Variants in TBC1D32 observed in about 807,000 individuals in gnomAD.
The protein encoded by TBC1D32 is protein broad-minded.
A neutral mutation model predicts 170.3 loss-of-function variants in TBC1D32; 151 were observed. The ratio of observed to expected loss-of-function variants is 0.89; its 90% CI spans 0.78 to 1.01. The LOEUF (loss-of-function observed/expected upper bound fraction) is 1.01. Ranked by LOEUF, TBC1D32 falls within the 50% of genes least tolerant of loss-of-function variation. The pLI, the probability that TBC1D32 is intolerant of heterozygous loss-of-function variation, is 0.00. For missense variants in TBC1D32, 1,464 were observed against 1,457.1 expected (o/e 1.00, Z -0.08); for synonymous variants, 498 against 488.0 (o/e 1.02, Z -0.27).
chr6:121,322,630 C>A (rs1477150891), intron 1 of TBC1D32, among the ~76,000 whole-genome samples: 2 of 152,150 alleles, frequency 1.3e-5, no homozygotes, highest in East Asian at 3.9e-4. Flanking sequence ...AGTTATATGA[C>A]CTGCTTTATC....
chr6:121,281,702 T>C lies in TBC1D32; in HGVS notation c.1466-16A>G. 6.4e-7 allele frequency: 1 copy of C among 1,550,410 alleles called. No homozygotes were observed. The highest frequency in any genetic ancestry group is 8.7e-7 in the Non-Finnish European group (1 of 1,145,832). On this transcript the variant is annotated splice_polypyrimidine_tract_variant and intron_variant, in intron 13 of 31. Coordinates refer to ENST00000398212, the MANE Select transcript of TBC1D32 (RefSeq NM_152730.6). ...GAGTAATTCTCTAATAAACAATAAATATTTTTTAATACCAAAACATTAAAT... is the reference window on the plus strand; with the variant it reads ...GAGTAATTCTCTAATAAACAATAAACATTTTTTAATACCAAAACATTAAAT...
chr6:121,323,793 A>T (rs1810087193), intron 1 of TBC1D32, among the ~76,000 whole-genome samples: 1 of 152,138 alleles, frequency 6.6e-6, no homozygotes, highest in Non-Finnish European at 1.5e-5. Flanking sequence ...TACAAAAATT[A>T]GCTGGGCGTG....
intron 14 of TBC1D32, 31 bp downstream of exon 14, chr6:121,281,513 A>G (rs746981187): frequency 6.3e-7 from 1 of 1,577,218 alleles, no homozygotes; most frequent in Admixed American, 1.8e-5. Flanking sequence ...CAGGTAAGAG[A>G]CTCTTTTTCT....
upstream of TBC1D32, chr6:121,334,605 C>T: frequency 7.1e-6 from 5 of 704,872 alleles, no homozygotes; most frequent in South Asian, 7.6e-5. Flanking sequence ...TTTCGGAAAA[C>T]GAGTCACCTT....
At chr6:121,294,107 C>T (rs1020883089) in intron 11 of TBC1D32, among the ~76,000 whole-genome samples, 6 of 151,880 alleles carry the variant, frequency 4.0e-5, no homozygotes, top group Non-Finnish European at 7.4e-5. Context: ...GGCCAGATTA[C>T]GAAGCATCCA....
rs1582501333 is a variant in TBC1D32, at chr6:121,334,460, A to T, written c.-30T>A. ...TTGGAATCAAACGTCCACTCTCATTACTCCAGGTCCGAGCAAAAGCCGCGC... is the reference window on the plus strand; with the variant it reads ...TTGGAATCAAACGTCCACTCTCATTTCTCCAGGTCCGAGCAAAAGCCGCGC... On this transcript the variant is annotated 5_prime_UTR_variant, in exon 1 of 32. Transcript: ENST00000398212. The T allele has an allele frequency of 6.3e-7, 1 of 1,598,810 alleles. No individual in the cohort carries two copies.
At chr6:121,187,855 G>C (rs1789408165) in intron 22 of TBC1D32, among the ~76,000 whole-genome samples, 1 of 151,924 alleles carries the variant, frequency 6.6e-6, no homozygotes. Context: ...CTGGTTGAGA[G>C]TTTATGTTTT....
chr6:121,168,847 A>C (rs1355073545), intron 22 of TBC1D32, among the ~76,000 whole-genome samples: 1 of 152,050 alleles, frequency 6.6e-6, no homozygotes, highest in African/African-American at 2.4e-5. Context: ...AATACCTAGA[A>C]CTACAGCTAA....
rs567181538 is a variant in TBC1D32, at chr6:121,124,345, A to T, written c.2983+2033T>A. Among the ~76,000 whole-genome samples the T allele has an allele frequency of 2.0e-3, 305 of 151,970 alleles. 1 individual carries two copies. Among genetic ancestry groups the T allele is most frequent in the African/African-American group, 7.0e-3 (290 of 41,486 alleles). ...TTATTTTTTACTTTTTTTTCCCAAC[A>T]TTTTGAGTATATTGTCCTACTCATT... On this transcript the variant is annotated intron_variant, in intron 26 of 31. Transcript: ENST00000398212.
chr6:121,080,391 T>C lies in TBC1D32; in HGVS notation c.*380A>G, dbSNP rs1220836521. 9.5e-6 allele frequency: 3 copies of C among 316,782 alleles called. No homozygotes were observed. The highest frequency in any genetic ancestry group is 7.4e-5 in the South Asian group (3 of 40,604). The allele number at this position is 316,782 out of a possible 1,614,324, so 19.6% of individuals were successfully genotyped here. A position where few individuals can be genotyped will look rare whatever the true frequency, so the allele number is the denominator to read the frequency against. On this transcript the variant is annotated 3_prime_UTR_variant, in exon 32 of 32. Transcript: ENST00000398212. ...TCACTGCACCCAGCTAATTTCAGTA[T>C]TGTTAGCAGAGACGAGGTTTCACCA...
At chr6:121,123,528 AT>A (rs1780503737) in intron 26 of TBC1D32, among the ~76,000 whole-genome samples, 1 of 152,002 alleles carries the variant, frequency 6.6e-6, no homozygotes, top group South Asian at 2.1e-4. Flanking sequence ...CTTAAAGTCT[AT>A]TTCATCTGAT....
intron 3 of TBC1D32, among the ~76,000 whole-genome samples, chr6:121,316,991 T>C (rs1278076650): frequency 6.6e-6 from 1 of 152,074 alleles, no homozygotes; most frequent in Non-Finnish European, 1.5e-5. Context: ...TCTGTTAACT[T>C]TGCTGCAGCC....
At chr6:121,120,242 G>T (rs1048034461) in intron 26 of TBC1D32, among the ~76,000 whole-genome samples, 6 of 151,970 alleles carry the variant, frequency 3.9e-5, no homozygotes, top group South Asian at 4.1e-4. Flanking sequence ...CGCATTCAGG[G>T]TTTATCTGCC....
chr6:121,189,675 C>T (rs199811985), intron 22 of TBC1D32, among the ~76,000 whole-genome samples: 1 of 151,994 alleles, frequency 6.6e-6, no homozygotes, highest in East Asian at 1.9e-4. Flanking sequence ...TCAGCATTAC[C>T]CAGGAGACAT....
intron 4 of TBC1D32, among the ~76,000 whole-genome samples, chr6:121,310,018 G>A (rs1281394922): frequency 6.6e-6 from 1 of 151,866 alleles, no homozygotes; most frequent in Non-Finnish European, 1.5e-5. Flanking sequence ...CTGGGTGACA[G>A]AGTAAGACCC....
chr6:121,262,542 T>G (rs973646487), intron 15 of TBC1D32, among the ~76,000 whole-genome samples: 3 of 151,602 alleles, frequency 2.0e-5, no homozygotes, highest in African/African-American at 7.3e-5. Context: ...AGTGGCATGA[T>G]CTCGACCCAC....
intron 19 of TBC1D32, 39 bp from the exon 20 acceptor site, chr6:121,239,227 T>C: frequency 8.0e-7 from 1 of 1,257,394 alleles, no homozygotes. Flanking sequence ...TATAGCATAA[T>C]ATTTCTTTGG....
chr6:121,289,017 G>A (rs891990314), intron 12 of TBC1D32, among the ~76,000 whole-genome samples: 1 of 152,090 alleles, frequency 6.6e-6, no homozygotes, highest in African/African-American at 2.4e-5. Context: ...AATAATAAGA[G>A]CTATCTATGA....
At chr6:121,236,254 G>A (rs1041959595) in intron 20 of TBC1D32, among the ~76,000 whole-genome samples, 29 of 151,652 alleles carry the variant, frequency 1.9e-4, no homozygotes, top group African/African-American at 7.0e-4. Flanking sequence ...TATATAACCT[G>A]AATTTTACAA....
Sources: allele counts gnomAD v4.1 joint callset (sites outside exome capture counted in the v4.1 genomes callset), GRCh38; gene constraint gnomAD v4.1.1; transcripts MANE v1.5; gene names NCBI Gene and HGNC (gene_info 2026-07-23, HGNC 2026-07-21).